Variants in HS6ST3 observed in about 807,000 individuals in gnomAD.
HS6ST3 encodes the protein heparan-sulfate 6-O-sulfotransferase 3.
Under a neutral mutation model 36.7 loss-of-function variants are expected in HS6ST3, and 12 were observed. That is an observed-to-expected ratio of 0.33 (90% CI 0.21 to 0.53). HS6ST3 has a LOEUF of 0.53. HS6ST3 is among the 20% of genes least tolerant of loss of function. HS6ST3 has a pLI of 0.95. For synonymous variants in HS6ST3, 240 were observed against 257.5 expected (o/e 0.93, Z 0.65); for missense variants, 584 against 640.9 (o/e 0.91, Z 0.96).
chr13:96,675,117 A>G (rs1207722779), intron 1 of HS6ST3, among the ~76,000 whole-genome samples: 5 of 152,106 alleles, frequency 3.3e-5, no homozygotes, highest in Non-Finnish European at 7.4e-5. Context: ...TGAAAAGCTA[A>G]TGTTTGGACA....
rs1878897510 is a variant in HS6ST3, at chr13:96,835,274, C to T, written c.*2076C>T. ...TAACAGTGACCCAGAGCCATACTGCCTTGGGTCAGTCCAGCCCCCTCCACA... is the reference window on the plus strand; with the variant it reads ...TAACAGTGACCCAGAGCCATACTGCTTTGGGTCAGTCCAGCCCCCTCCACA... On this transcript the variant is annotated 3_prime_UTR_variant, in exon 2 of 2. Transcript: ENST00000376705. The T allele has an allele frequency of 6.6e-6, 1 of 152,284 alleles. No homozygotes were observed. The highest frequency in any genetic ancestry group is 2.4e-5 in the African/African-American group (1 of 41,454). 9.4% of individuals were successfully genotyped at this position (152,284 alleles called of 1,614,324 possible).
intron 1 of HS6ST3, among the ~76,000 whole-genome samples, chr13:96,615,571 A>C (rs1355295383): frequency 6.6e-6 from 1 of 152,202 alleles, no homozygotes; most frequent in African/African-American, 2.4e-5. Flanking sequence ...ATATCTGAAA[A>C]TAAGTTGGAA....
chr13:96,614,381 G>T (rs1272180647), intron 1 of HS6ST3, among the ~76,000 whole-genome samples: 4 of 151,530 alleles, frequency 2.6e-5, no homozygotes, highest in African/African-American at 9.7e-5. Flanking sequence ...GGGAGAAATG[G>T]GTAAGGAGGG....
At chr13:96,535,997 T>A (rs1205383919) in intron 1 of HS6ST3, among the ~76,000 whole-genome samples, 4 of 152,208 alleles carry the variant, frequency 2.6e-5, no homozygotes, top group Non-Finnish European at 5.9e-5. Flanking sequence ...TATTTATACC[T>A]CCTTCTTTTT....
At chr13:96,723,734 C>A (rs1875917044) in intron 1 of HS6ST3, among the ~76,000 whole-genome samples, 1 of 152,204 alleles carries the variant, frequency 6.6e-6, no homozygotes, top group Non-Finnish European at 1.5e-5. Flanking sequence ...CTTTCTCTAC[C>A]CTTCAACATG....
At chr13:96,823,662 C>G (rs1367311896) in intron 1 of HS6ST3, among the ~76,000 whole-genome samples, 3 of 151,698 alleles carry the variant, frequency 2.0e-5, no homozygotes, top group Admixed American at 6.6e-5. Flanking sequence ...CTCTGGTGTC[C>G]AGGCTGGAGT....
chr13:96,605,036 G>T (rs763834952), intron 1 of HS6ST3, among the ~76,000 whole-genome samples: 1 of 152,084 alleles, frequency 6.6e-6, no homozygotes. Context: ...TTCCAGTATT[G>T]ATGATTTCTA....
intron 1 of HS6ST3, among the ~76,000 whole-genome samples, chr13:96,624,932 T>C (rs923631267): frequency 6.6e-6 from 1 of 152,200 alleles, no homozygotes; most frequent in Non-Finnish European, 1.5e-5. Context: ...GTGCATGTGA[T>C]GCAGGGCAGA....
intron 1 of HS6ST3, among the ~76,000 whole-genome samples, chr13:96,112,831 A>G (rs2139301340): frequency 6.6e-6 from 1 of 151,868 alleles, no homozygotes; most frequent in South Asian, 2.1e-4. Flanking sequence ...AATGAAGAAG[A>G]AGAGGACTGG....
At chr13:96,799,944 G>GTATATATATATATATATGTATA (rs1878004923) in intron 1 of HS6ST3, among the ~76,000 whole-genome samples, 1 of 88,056 alleles carries the variant, frequency 1.1e-5, no homozygotes, top group African/African-American at 5.4e-5. Context: ...ATATGTGTGT[G>GTATATATATATATATATGTATA]TATATATATA....
chr13:96,346,390 C>T lies in HS6ST3; in HGVS notation c.707+254821C>T, dbSNP rs748169087. 1.4e-3 allele frequency among the ~76,000 whole-genome samples: 215 copies of T among 151,948 alleles called. 1 individual carries two copies. The highest frequency in any genetic ancestry group is 2.5e-3 in the Admixed American group (38 of 15,262). On this transcript the variant is annotated intron_variant, in intron 1 of 1. Coordinates refer to ENST00000376705, the MANE Select transcript of HS6ST3 (RefSeq NM_153456.4). Reference sequence around the variant, plus strand: ...GAGATCAAGACCATCCTGGCTAAAACGGTGAAACCCTATCTCTCCTAAAAA... The same window carrying T: ...GAGATCAAGACCATCCTGGCTAAAATGGTGAAACCCTATCTCTCCTAAAAA...
At chr13:96,744,268 G>A (rs1876511344) in intron 1 of HS6ST3, among the ~76,000 whole-genome samples, 1 of 151,792 alleles carries the variant, frequency 6.6e-6, no homozygotes, top group Admixed American at 6.6e-5. Flanking sequence ...AAGTCAGTTT[G>A]CATGCAATGT....
intron 1 of HS6ST3, among the ~76,000 whole-genome samples, chr13:96,702,368 C>A (rs753204372): frequency 3.2e-4 from 48 of 152,216 alleles, no homozygotes; most frequent in Non-Finnish European, 5.9e-4. Flanking sequence ...TCTGGCAGTT[C>A]AATGTCCAGA....
At chr13:96,680,290 T>C (rs1451094529) in intron 1 of HS6ST3, among the ~76,000 whole-genome samples, 4 of 152,020 alleles carry the variant, frequency 2.6e-5, no homozygotes, top group Non-Finnish European at 5.9e-5. Context: ...CAGCAATCCC[T>C]CCACTCAACC....
chr13:96,621,580 T>C (rs148068979), intron 1 of HS6ST3, among the ~76,000 whole-genome samples: 1 of 152,170 alleles, frequency 6.6e-6, no homozygotes, highest in South Asian at 2.1e-4. Context: ...CAAACCTCTT[T>C]CCCTTTCTCT....
intron 1 of HS6ST3, among the ~76,000 whole-genome samples, chr13:96,350,545 TCTCTAA>T (rs1429060091): frequency 6.6e-6 from 1 of 152,160 alleles, no homozygotes; most frequent in Non-Finnish European, 1.5e-5. Context: ...AATGTGGGGG[TCTCTAA>T]CTCTAATCTT....
chr13:96,238,587 C>T (rs1234755076), intron 1 of HS6ST3, among the ~76,000 whole-genome samples: 1 of 152,146 alleles, frequency 6.6e-6, no homozygotes, highest in East Asian at 1.9e-4. Flanking sequence ...ATTCTTTCTT[C>T]GTCATTATTC....
At chr13:96,803,271 A>T (rs748333437) in intron 1 of HS6ST3, among the ~76,000 whole-genome samples, 1 of 152,184 alleles carries the variant, frequency 6.6e-6, no homozygotes, top group Non-Finnish European at 1.5e-5. Context: ...TTGAGAATAT[A>T]ATAAAGTACA....
chr13:96,381,981 T>C (rs2055343785), intron 1 of HS6ST3, among the ~76,000 whole-genome samples: 1 of 152,068 alleles, frequency 6.6e-6, no homozygotes, highest in Non-Finnish European at 1.5e-5. Flanking sequence ...AAACAAGAGC[T>C]GTGGGAGGCA....
Sources: gnomAD v4.1 joint callset for allele counts (sites outside exome capture counted in the v4.1 genomes callset) on GRCh38, gnomAD v4.1.1 for gene constraint, MANE v1.5 for transcripts, NCBI Gene and HGNC (gene_info 2026-07-23, HGNC 2026-07-21) for gene names.